The following NEMF variants were observed in gnomAD, a reference collection of about 807,000 sequenced individuals.
The protein encoded by NEMF is ribosome quality control complex subunit NEMF.
A neutral mutation model predicts 162.2 loss-of-function variants in NEMF; 89 were observed. The observed-to-expected ratio is 0.55, with a 90% CI of 0.46 to 0.65. The LOEUF is 0.65. Ranked by LOEUF, NEMF falls within the 30% of genes least tolerant of loss-of-function variation. The pLI is 0.00. For synonymous variants in NEMF, 421 were observed against 404.5 expected (o/e 1.04, Z -0.49); for missense variants, 1,133 against 1,261.9 (o/e 0.90, Z 1.55).
intron 22 of NEMF, among the ~76,000 whole-genome samples, chr14:49,801,872 C>A (rs141527232): frequency 2.0e-5 from 3 of 152,210 alleles, no homozygotes; most frequent in African/African-American, 7.2e-5. Flanking sequence ...TTGTTAAACA[C>A]ATTTATGCAT....
At chr14:49,789,594 G>C (rs923499775) in intron 26 of NEMF, 21 bp from the exon 27 acceptor site, 4 of 1,598,578 alleles carry the variant, frequency 2.5e-6, no homozygotes, top group Non-Finnish European at 3.4e-6. Context: ...AGAAGATTTT[G>C]GTTGGAAATA....
At chr14:49,800,798 T>C in intron 22 of NEMF, 102 bp from the exon 23 acceptor site, 3 of 1,136,938 alleles carry the variant, frequency 2.6e-6, no homozygotes, top group Non-Finnish European at 3.8e-6. Context: ...CCCATATTTC[T>C]CCAAAAAATC....
At chr14:49,812,069 TTTTC>T (rs1227283452) in intron 18 of NEMF, among the ~76,000 whole-genome samples, 2 of 152,170 alleles carry the variant, frequency 1.3e-5, no homozygotes, top group Non-Finnish European at 2.9e-5. Context: ...TTTTTAATGT[TTTTC>T]TTTATTATTA....
intron 10 of NEMF, 107 bp from the exon 11 acceptor site, chr14:49,831,468 C>T: frequency 4.2e-6 from 3 of 710,850 alleles, no homozygotes; most frequent in Non-Finnish European, 7.3e-6. Context: ...GACAGAGTCT[C>T]ACTCTGTTGC....
intron 28 of NEMF, 101 bp downstream of exon 28, chr14:49,789,045 C>T (rs1404482218): frequency 2.4e-6 from 2 of 846,862 alleles, no homozygotes; most frequent in Non-Finnish European, 1.9e-6. Flanking sequence ...AATAGGGTTA[C>T]TCACTTGTCT....
chr14:49,851,762 A>G (rs1259046937), intron 2 of NEMF, 45 bp downstream of exon 2: 4 of 1,456,790 alleles, frequency 2.7e-6, no homozygotes, highest in Non-Finnish European at 3.8e-6. Context: ...CAGTAATCTC[A>G]TACTTAATTG....
intron 15 of NEMF, among the ~76,000 whole-genome samples, chr14:49,828,068 T>C (rs1892450302): frequency 6.6e-6 from 1 of 152,106 alleles, no homozygotes. Context: ...ATTTTTAACC[T>C]GAGTGAACAG....
At chr14:49,799,275 AT>A (rs1890844418) in intron 25 of NEMF, among the ~76,000 whole-genome samples, 199 bp downstream of exon 25, 1 of 147,118 alleles carries the variant, frequency 6.8e-6, no homozygotes, top group Non-Finnish European at 1.5e-5. Flanking sequence ...GGTCTATTTC[AT>A]TGATTATAGT....
At chr14:49,815,216 A>C (rs1891659853) in intron 16 of NEMF, among the ~76,000 whole-genome samples, 1 of 152,224 alleles carries the variant, frequency 6.6e-6, no homozygotes, top group Non-Finnish European at 1.5e-5. Flanking sequence ...TAGACCACTA[A>C]TAAGAAAGAA....
At chr14:49,847,826 G>A (rs376048991) in intron 3 of NEMF, among the ~76,000 whole-genome samples, 5 of 151,238 alleles carry the variant, frequency 3.3e-5, no homozygotes, top group Admixed American at 3.3e-4. Flanking sequence ...GAGGTCAGGA[G>A]TTCAAGACCA....
intron 4 of NEMF, among the ~76,000 whole-genome samples, chr14:49,845,100 AGTTT>A (rs1026040646): frequency 4.1e-4 from 38 of 92,520 alleles, no homozygotes; most frequent in African/African-American, 1.0e-3. Flanking sequence ...TTAGTTAGTT[AGTTT>A]ATTTTTGAGA....
rs773630347 is a variant in NEMF, at chr14:49,789,526, T to G, written c.2667A>C (p.Glu889Asp). 1.5e-5 allele frequency: 24 copies of G among 1,612,512 alleles called. No homozygotes were observed. Among genetic ancestry groups the G allele is most frequent in the Non-Finnish European group, 1.9e-5 (22 of 1,179,664 alleles). Residue 889 changes from glutamate (E) to aspartate (D), a missense_variant, in exon 27 of 33, where the codon GAA (glutamate) becomes GAC (aspartate). Glu to Asp is a conservative substitution (Grantham distance 45). Coordinates refer to ENST00000298310, the MANE Select transcript of NEMF (RefSeq NM_004713.6). ...GCAACTTCATGATAAGTTCACGGTC[T>G]TCTTCATCCTGGTCTTTGTATTTTT... ...MKEKYKDQDEEDRELIMKLLG... is the reference protein window; with the variant it reads ...MKEKYKDQDEDDRELIMKLLG...
Position 49,817,516 on chromosome 14 carries a change from TGACA to T in NEMF, c.1578-2663_1578-2660del, listed in dbSNP as rs1317229780. Among the ~76,000 whole-genome samples, 11 of 152,106 alleles carry T rather than the reference TGACA, an allele frequency of 7.2e-5. No homozygotes were observed. The East Asian group carries it at 7.7e-4, about 11-fold the overall frequency. On this transcript the variant is annotated intron_variant, in intron 16 of 32. Coordinates refer to ENST00000298310, the MANE Select transcript of NEMF (RefSeq NM_004713.6). ...AAAAGAAAGCTCATCTAGTTACACCTGACAAACAAGGAAAAAATAGTTACAAGTT... is the reference window on the plus strand; with the variant it reads ...AAAAGAAAGCTCATCTAGTTACACCTAACAAGGAAAAAATAGTTACAAGTT...
At chr14:49,851,496 C>T in intron 3 of NEMF, 67 bp downstream of exon 3, 1 of 1,060,426 alleles carries the variant, frequency 9.4e-7, no homozygotes, top group Non-Finnish European at 1.5e-6. Flanking sequence ...TGAAGGAAAC[C>T]CCAATTAAAA....
chr14:49,785,118 G>C lies in NEMF; in HGVS notation c.3047C>G (p.Thr1016Ser), dbSNP rs969728048. Residue 1016 changes from threonine (T) to serine (S), a missense_variant, in exon 31 of 33, where the codon ACT becomes AGT. By Grantham distance (58) the Thr-to-Ser change is moderately conservative. Around this residue, in one of 3 missense-constraint regions of NEMF, gnomAD observed 532 missense variants for 578.6 expected, o/e 0.92. Transcript: ENST00000298310. The part of the protein sequence containing the change: ...MTNYKYKVKL[T>S]PGVQKKGKAA... ...TTTTCCCTTTTTCTGCACTCCAGGA[G>C]TAAGTTTCACTTTATATCTTTAAAA... 8 of 1,606,160 alleles carry C rather than the reference G, an allele frequency of 5.0e-6. No homozygotes were observed. In the African/African-American group the frequency reaches 9.4e-5, roughly 19 times the overall value.
At chr14:49,852,575 C>A in intron 1 of NEMF, 120 bp downstream of exon 1, 1 of 1,081,912 alleles carries the variant, frequency 9.2e-7, no homozygotes, top group Admixed American at 2.0e-5. Context: ...CAGGCCTAGG[C>A]AGGTCCATAG....
chr14:49,834,249 C>G, intron 7 of NEMF, 114 bp downstream of exon 7: 2 of 678,910 alleles, frequency 2.9e-6, no homozygotes, highest in Admixed American at 2.4e-5. Flanking sequence ...AGCCAGTGTG[C>G]CTGGTCAAAT....
intron 22 of NEMF, 95 bp from the exon 23 acceptor site, chr14:49,800,791 A>G (rs866633135): frequency 2.0e-5 from 24 of 1,192,046 alleles, no homozygotes; most frequent in African/African-American, 3.1e-5. Context: ...TGTTTCTCCC[A>G]TATTTCTCCA....
intron 2 of NEMF, 70 bp downstream of exon 2, chr14:49,851,737 T>A: frequency 6.8e-7 from 1 of 1,473,196 alleles, no homozygotes; most frequent in South Asian, 1.2e-5. Context: ...GCTTAAAATG[T>A]AGGTTAAAAA....
Sources: gnomAD v4.1 joint callset for allele counts (sites outside exome capture counted in the v4.1 genomes callset) on GRCh38, gnomAD v4.1.1 for gene constraint, gnomAD v4.1.1 regional missense constraint, MANE v1.5 for transcripts, NCBI Gene and HGNC (gene_info 2026-07-23, HGNC 2026-07-21) for gene names.